LEPROTL1: variants seen among roughly 807,000 people sequenced by gnomAD.
LEPROTL1 encodes leptin receptor overlapping transcript like 1.
In LEPROTL1, 6 loss-of-function variants were observed where a neutral mutation model predicts 15.4. That is an observed-to-expected ratio of 0.39 (90% CI 0.21 to 0.77). The LOEUF is 0.77. LEPROTL1 is among the 30% of genes least tolerant of loss of function. The pLI is 0.41. For missense variants in LEPROTL1, 128 were observed against 158.1 expected, an observed-to-expected ratio of 0.81 and a Z score of 1.02; for synonymous variants, 56 against 52.6, an observed-to-expected ratio of 1.06 and a Z score of -0.28.
intron 3 of LEPROTL1, among the ~76,000 whole-genome samples, chr8:30,128,896 CTT>C (rs35339784): frequency 8.4e-4 from 122 of 145,468 alleles, no homozygotes; most frequent in Non-Finnish European, 8.9e-4. Flanking sequence ...CTCTGTTTTT[CTT>C]TTTTTTTTTT....
chr8:30,104,535 AC>A, intron 3 of LEPROTL1, 49 bp downstream of exon 3: 5 of 1,321,844 alleles, frequency 3.8e-6, no homozygotes, highest in Non-Finnish European at 5.1e-6. Flanking sequence ...AACATGTGTT[AC>A]ATTTTTCTCA....
chr8:30,133,872 C>G (rs375975579), intron 4 of LEPROTL1, among the ~76,000 whole-genome samples: 2 of 151,206 alleles, frequency 1.3e-5, no homozygotes, highest in East Asian at 1.9e-4. Flanking sequence ...TTCTGACAAA[C>G]AGAGCCAGGA....
downstream of LEPROTL1, among the ~76,000 whole-genome samples, chr8:30,110,764 A>C (rs911115634): frequency 9.2e-5 from 14 of 152,160 alleles, no homozygotes; most frequent in African/African-American, 3.4e-4. Flanking sequence ...AGAATGTCTA[A>C]TACTATGAAA....
In LEPROTL1 at chr8:30,108,454, C is replaced by G. The variant is rs1483171548; in HGVS notation, c.*2592C>G. Reference sequence around the variant, plus strand: ...CATTATTATAGCATGTTACTTTTTGCAAACATTTTAAACAAAAAATATTTC... The same window carrying G: ...CATTATTATAGCATGTTACTTTTTGGAAACATTTTAAACAAAAAATATTTC... On this transcript the variant is annotated 3_prime_UTR_variant, in exon 4 of 4. Transcript: ENST00000321250. The G allele has an allele frequency of 6.6e-6, 1 of 152,010 alleles. No individual in the cohort carries two copies. Among genetic ancestry groups the G allele is most frequent in the African/African-American group, 2.4e-5 (1 of 41,408 alleles). 9.4% of individuals were successfully genotyped at this position (152,010 alleles called of 1,614,324 possible).
chr8:30,126,144 C>T (rs1369264683), intron 3 of LEPROTL1, among the ~76,000 whole-genome samples: 1 of 152,174 alleles, frequency 6.6e-6, no homozygotes, highest in East Asian at 1.9e-4. Flanking sequence ...ATAATCTTGC[C>T]TGCCACTCAC....
Position 30,104,458 on chromosome 8 carries a change from T to C in LEPROTL1, c.251T>C (p.Leu84Pro), listed in dbSNP as rs1405950415. ...GGCATTGTCGTGTCAGCTTTTGGAC[T>C]CCCTATTGTATTTGCCAGAGCACAT... ...TTGIVVSAFGLPIVFARAHLI... is the reference protein window; with the variant it reads ...TTGIVVSAFGPPIVFARAHLI... Residue 84 changes from leucine to proline, a missense_variant, in exon 3 of 4, where the codon CTC (leucine) becomes CCC (proline). Leu to Pro is a moderately conservative substitution (Grantham distance 98). Transcript: ENST00000321250. 1 of 1,610,392 alleles carries C rather than the reference T, an allele frequency of 6.2e-7. No individual in the cohort carries two copies. Among genetic ancestry groups the C allele is most frequent in the Non-Finnish European group, 8.5e-7 (1 of 1,178,464 alleles).
intron 1 of LEPROTL1, among the ~76,000 whole-genome samples, chr8:30,096,702 G>T (rs1802373128): frequency 6.6e-6 from 1 of 152,274 alleles, no homozygotes; most frequent in South Asian, 2.1e-4. Flanking sequence ...TGTTTCTTCA[G>T]TGTCAATAAT....
chr8:30,127,090 C>T (rs2117521806), intron 3 of LEPROTL1, among the ~76,000 whole-genome samples: 1 of 151,930 alleles, frequency 6.6e-6, no homozygotes, highest in Non-Finnish European at 1.5e-5. Flanking sequence ...GACCTGAGTT[C>T]TCATGACACT....
At chr8:30,132,977 A>G in intron 4 of LEPROTL1, 9 of 1,426,214 alleles carry the variant, frequency 6.3e-6, no homozygotes, top group Non-Finnish European at 8.4e-6. Context: ...CCAGTCTGTC[A>G]TACATGATCT....
At chr8:30,103,409 T>G (rs1802503715) in intron 2 of LEPROTL1, among the ~76,000 whole-genome samples, 1 of 152,230 alleles carries the variant, frequency 6.6e-6, no homozygotes, top group Non-Finnish European at 1.5e-5. Context: ...ATTATTTTTC[T>G]TAAGCATATA....
chr8:30,106,620 A>G lies in LEPROTL1; in HGVS notation c.*758A>G, dbSNP rs996381809. 1.0e-6 allele frequency: 1 copy of G among 983,142 alleles called. No individual in the cohort carries two copies. The highest frequency in any genetic ancestry group is 1.2e-6 in the Non-Finnish European group (1 of 827,510). 60.9% of individuals were successfully genotyped at this position (983,142 alleles called of 1,614,324 possible). A position where few individuals can be genotyped will look rare whatever the true frequency, so the allele number is the denominator to read the frequency against. ...TGAGATAAGGTTTTTATTTATGTTT[A>G]TTATTGTTAGAGTGAGTTGCAATGT... On this transcript the variant is annotated 3_prime_UTR_variant, in exon 4 of 4. Transcript: ENST00000321250.
chr8:30,128,542 C>T (rs929390321), intron 3 of LEPROTL1, among the ~76,000 whole-genome samples: 7 of 151,868 alleles, frequency 4.6e-5, no homozygotes, highest in Non-Finnish European at 4.4e-5. Context: ...CTTGAGCTCA[C>T]GAATTCGAGA....
At chr8:30,135,120 G>A (rs1319240123) in intron 4 of LEPROTL1, among the ~76,000 whole-genome samples, 2 of 147,660 alleles carry the variant, frequency 1.4e-5, no homozygotes, top group Admixed American at 1.4e-4. Context: ...TCAAACTCCT[G>A]GCCTCAAGTG....
intron 1 of LEPROTL1, chr8:30,096,038 C>T (rs1802358989): frequency 1.7e-6 from 1 of 601,818 alleles, no homozygotes; most frequent in Non-Finnish European, 3.0e-6. Context: ...CCCGGCCGCC[C>T]GCGCCCGAGG....
chr8:30,117,562 A>G, intron 3 of LEPROTL1: 5 of 1,345,126 alleles, frequency 3.7e-6, no homozygotes, highest in Non-Finnish European at 5.3e-6. Flanking sequence ...ATCACTCCAC[A>G]CTTGTTTAGC....
intron 1 of LEPROTL1, 86 bp downstream of exon 1, chr8:30,095,614 T>A (rs971515017): frequency 8.8e-7 from 1 of 1,140,652 alleles, no homozygotes; most frequent in East Asian, 3.3e-5. Flanking sequence ...GCACTTCCCC[T>A]CCGGGCTCGC....
exon 5 of LEPROTL1, chr8:30,137,385 A>G: frequency 6.4e-7 from 1 of 1,551,702 alleles, no homozygotes; most frequent in Non-Finnish European, 8.7e-7. Context: ...TGTTACCTGC[A>G]AGCAGAGTGT....
intron 1 of LEPROTL1, among the ~76,000 whole-genome samples, chr8:30,098,403 A>T (rs956886538): frequency 6.6e-6 from 1 of 152,246 alleles, no homozygotes; most frequent in Non-Finnish European, 1.5e-5. Context: ...ATGAGTTAGT[A>T]TAAATAAGAA....
At chr8:30,102,091 A>AC in intron 2 of LEPROTL1, 118 bp downstream of exon 2, 1 of 582,612 alleles carries the variant, frequency 1.7e-6, no homozygotes, top group South Asian at 2.2e-5. Flanking sequence ...CACTTACCAA[A>AC]CACATACCTT....
Sources: allele counts gnomAD v4.1 joint callset (sites outside exome capture counted in the v4.1 genomes callset), GRCh38; gene constraint gnomAD v4.1.1; transcripts MANE v1.5; gene names NCBI Gene and HGNC (gene_info 2026-07-23, HGNC 2026-07-21).